The following FDXACB1 variants were observed in gnomAD, a reference collection of about 807,000 sequenced individuals.
FDXACB1 encodes ferredoxin-fold anticodon-binding domain-containing protein 1.
FDXACB1 carries 41 observed loss-of-function variants against 51.7 expected under a neutral mutation model. That is an observed-to-expected ratio of 0.79 (90% CI 0.62 to 1.03). FDXACB1 has a LOEUF of 1.03. Among genes scored for constraint, FDXACB1 ranks in the 50% least tolerant of loss-of-function variants. FDXACB1 has a pLI of 0.00. For missense variants in FDXACB1, 697 were observed against 746.4 expected (o/e 0.93, Z 0.77); for synonymous variants, 273 against 278.6 (o/e 0.98, Z 0.20).
At position 111,879,140 on chromosome 11, in the gene FDXACB1, A is replaced by C. The variant is rs781818800; in HGVS notation, c.-8T>G. The stretch of plus-strand genomic sequence containing the variant: ...GAGGCGCCGAGGGGCCATGGCCTCC[A>C]CGGACTCCCGGCTCGCGTTCTCTGT... On this transcript the variant is annotated 5_prime_UTR_variant, in exon 1 of 5. Transcript: ENST00000260257. 7.5e-6 allele frequency: 12 copies of C among 1,600,876 alleles called. No individual in the cohort carries two copies. The highest frequency in any genetic ancestry group is 1.0e-5 in the Non-Finnish European group (12 of 1,173,846).
At position 111,876,642 on chromosome 11, in the gene FDXACB1, G is replaced by A. The variant is rs782121939; in HGVS notation, c.534-3C>T. ...CATGAAAGGACTTATCTTGACTCCT[G>A]GCAAAATAGACACCAATATGAAGTC... On this transcript the variant is annotated splice_region_variant and splice_polypyrimidine_tract_variant and intron_variant, in intron 3 of 4. Transcript: ENST00000260257. 1.2e-6 allele frequency: 2 copies of A among 1,609,802 alleles called. No homozygotes were observed. Among genetic ancestry groups the A allele is most frequent in the African/African-American group, 2.7e-5 (2 of 74,648 alleles).
rs1964767384 is a variant in FDXACB1 at position 111,874,633 on chromosome 11, T to C, written c.*289A>G. The stretch of plus-strand genomic sequence containing the variant: ...AGCCAGGCGTGGTGGCAGGTGCCTG[T>C]AGTCCCAGCTACTCGGGAGGCTGAG... On this transcript the variant is annotated 3_prime_UTR_variant, in exon 5 of 5. Coordinates refer to ENST00000260257, the MANE Select transcript of FDXACB1 (RefSeq NM_138378.3). 1 of 279,522 alleles carries C rather than the reference T, an allele frequency of 3.6e-6. No homozygotes were observed. The highest frequency in any genetic ancestry group is 6.7e-6 in the Non-Finnish European group (1 of 149,514). The allele number at this position is 279,522 out of a possible 1,614,324, so 17.3% of individuals were successfully genotyped here. A position where few individuals can be genotyped will look rare whatever the true frequency, so the allele number is the denominator to read the frequency against.
chr11:111,875,246 A>G lies in FDXACB1; in HGVS notation c.1551T>C (p.Asn517=), dbSNP rs781798204. 4.3e-6 allele frequency: 7 copies of G among 1,613,832 alleles called. No homozygotes were observed. The South Asian group carries it at 7.7e-5, about 18-fold the overall frequency. The part of the protein sequence containing the change: ...LWTFDNRFLK[N]FVPGKIEPFK... Reference sequence around the variant, plus strand: ...AGGGTTCTATTTTGCCAGGGACAAAATTTTTCAGGAAACGGTTATCAAACG... The same window carrying G: ...AGGGTTCTATTTTGCCAGGGACAAAGTTTTTCAGGAAACGGTTATCAAACG... The change falls in exon 5 of 5, where the codon AAT becomes AAC. Residue 517 remains asparagine (N), a synonymous_variant. Coordinates refer to ENST00000260257, the MANE Select transcript of FDXACB1 (RefSeq NM_138378.3).
At position 111,874,779 on chromosome 11, in the gene FDXACB1, A is replaced by T; in HGVS notation, c.*143T>A. 10 of 700,914 alleles carry T rather than the reference A, an allele frequency of 1.4e-5. No individual in the cohort carries two copies. The highest frequency in any genetic ancestry group is 2.8e-5 in the East Asian group (1 of 35,650). 43.4% of individuals were successfully genotyped at this position (700,914 alleles called of 1,614,324 possible). ...CCGTCTCAAAAAAAAAAAAAAAAAAAGATCAACGAACAGTAGCTATGGTCA... is the reference window on the plus strand; with the variant it reads ...CCGTCTCAAAAAAAAAAAAAAAAAATGATCAACGAACAGTAGCTATGGTCA... On this transcript the variant is annotated 3_prime_UTR_variant, in exon 5 of 5. Coordinates refer to ENST00000260257, the MANE Select transcript of FDXACB1 (RefSeq NM_138378.3).
At chr11:111,876,412 A>C in intron 4 of FDXACB1, 69 bp downstream of exon 4, 1 of 1,531,022 alleles carries the variant, frequency 6.5e-7, no homozygotes, top group Non-Finnish European at 8.9e-7. Context: ...CATTCAATAT[A>C]TGGTTGCCAT....
Position 111,878,218 on chromosome 11 carries a change from A to T in FDXACB1, c.329+338T>A, listed in dbSNP as rs905962648. Among the ~76,000 whole-genome samples, 8 of 152,112 alleles carry T rather than the reference A, an allele frequency of 5.3e-5. No homozygotes were observed. The East Asian group carries it at 5.8e-4, about 11-fold the overall frequency. On this transcript the variant is annotated intron_variant, in intron 2 of 4. Coordinates refer to ENST00000260257, the MANE Select transcript of FDXACB1 (RefSeq NM_138378.3). ...AAAAATAAAAATAAATAAAAATAAA[A>T]AAATAACAACTGTTAAGTGGTGGGC...
chr11:111,877,831 T>C (rs1964851180), intron 2 of FDXACB1, among the ~76,000 whole-genome samples: 1 of 151,198 alleles, frequency 6.6e-6, no homozygotes, highest in Non-Finnish European at 1.5e-5. Flanking sequence ...TAGTTACTAT[T>C]AATATCCCTA....
At chr11:111,877,097 T>A in intron 2 of FDXACB1, 86 bp from the exon 3 acceptor site, 1 of 1,322,848 alleles carries the variant, frequency 7.6e-7, no homozygotes, top group Non-Finnish European at 1.0e-6. Flanking sequence ...ATGGTTTGCC[T>A]GTGAAATAAT....
At chr11:111,876,677 T>C in intron 3 of FDXACB1, 38 bp from the exon 4 acceptor site, 1 of 1,599,672 alleles carries the variant, frequency 6.3e-7, no homozygotes, top group South Asian at 1.1e-5. Context: ...CTGTCATTAT[T>C]AAAATAAGCA....
rs782353556 is a variant in FDXACB1 at position 111,875,652 on chromosome 11, A to G, written c.1145T>C (p.Ile382Thr). 5.0e-6 allele frequency: 8 copies of G among 1,613,384 alleles called. No individual in the cohort carries two copies. Among genetic ancestry groups the G allele is most frequent in the Non-Finnish European group, 5.9e-6 (7 of 1,179,868 alleles). The change falls in exon 5 of 5, where the codon ATT (isoleucine) becomes ACT (threonine). Residue 382 changes from isoleucine (I) to threonine (T), a missense_variant. Physicochemically the swap from Ile to Thr is moderately conservative, Grantham distance 89. Coordinates refer to ENST00000260257, the MANE Select transcript of FDXACB1 (RefSeq NM_138378.3). ...AAATGCTGGCATTGTGAAAGGCAAAATGTGGCACTTCTGAAAGACAGGTCC... is the reference window on the plus strand; with the variant it reads ...AAATGCTGGCATTGTGAAAGGCAAAGTGTGGCACTTCTGAAAGACAGGTCC... Reference protein sequence around the residue: ...LSGPVFQKCHILPFTMPAFHE... With the variant: ...LSGPVFQKCHTLPFTMPAFHE...
Position 111,878,587 on chromosome 11 carries a change from T to C in FDXACB1, c.298A>G (p.Asn100Asp), listed in dbSNP as rs377284681. The change falls in exon 2 of 5, where the codon AAC (asparagine) becomes GAC (aspartate). Residue 100 changes from asparagine (N) to aspartate (D), a missense_variant. Coordinates refer to ENST00000260257, the MANE Select transcript of FDXACB1 (RefSeq NM_138378.3). ...AAAAATTTGGCAAGCAGTTCCCTGT[T>C]CTTAGCTACGCCAGCTTTGCGTCCA... The part of the protein sequence containing the change: ...HCGRKAGVAK[N>D]RELLAKFFQS... 6.2e-7 allele frequency: 1 copy of C among 1,600,768 alleles called. No homozygotes were observed. Among genetic ancestry groups the C allele is most frequent in the Non-Finnish European group, 8.5e-7 (1 of 1,173,390 alleles).
Position 111,876,648 on chromosome 11 carries a change from A to G in FDXACB1, c.534-9T>C, listed in dbSNP as rs781830391. On this transcript the variant is annotated splice_polypyrimidine_tract_variant and intron_variant, in intron 3 of 4. Coordinates refer to ENST00000260257, the MANE Select transcript of FDXACB1 (RefSeq NM_138378.3). Reference sequence around the variant, plus strand: ...AGGACTTATCTTGACTCCTGGCAAAATAGACACCAATATGAAGTCTGTCAT... The same window carrying G: ...AGGACTTATCTTGACTCCTGGCAAAGTAGACACCAATATGAAGTCTGTCAT... 9 of 1,609,388 alleles carry G rather than the reference A, an allele frequency of 5.6e-6. No homozygotes were observed. The South Asian group carries it at 1.0e-4, about 18-fold the overall frequency.
rs1555162528 is a variant in FDXACB1, at chr11:111,878,524, C to G, written c.329+32G>C. 3 of 1,546,038 alleles carry G rather than the reference C, an allele frequency of 1.9e-6. No homozygotes were observed. In the African/African-American group the frequency reaches 4.1e-5, roughly 21 times the overall value. On this transcript the variant is annotated intron_variant, in intron 2 of 4. Coordinates refer to ENST00000260257, the MANE Select transcript of FDXACB1 (RefSeq NM_138378.3). ...GTAACTATGTTATGGACATCTTAAACATTTTCCTTGTGAGGGCGCTCCTTT... is the reference window on the plus strand; with the variant it reads ...GTAACTATGTTATGGACATCTTAAAGATTTTCCTTGTGAGGGCGCTCCTTT...
At chr11:111,878,770 A>G (rs1964878854) in intron 1 of FDXACB1, 58 bp from the exon 2 acceptor site, 1 of 1,558,846 alleles carries the variant, frequency 6.4e-7, no homozygotes, top group Admixed American at 2.0e-5. Context: ...CAAGACATGG[A>G]ACAGAAAAAC....
In FDXACB1 at chr11:111,878,969, C is replaced by G. The variant is rs782081440; in HGVS notation, c.164G>C (p.Arg55Pro). ...AGGGGCGGGCTCGCTACCTCGCTCG[C>G]GCAGGCACTGCAGATTCTCCCAGGC... The part of the protein sequence containing the change: ...PLAWENLQCL[R>P]ERGIDVRFGV... The change falls in exon 1 of 5, where the codon CGC becomes CCC. Residue 55 changes from arginine (R) to proline (P), a missense_variant. By Grantham distance (103) the Arg-to-Pro change is moderately radical (BLOSUM62 -2). Around this residue, in one of 3 missense-constraint regions of FDXACB1, gnomAD observed 153 missense variants for 133.5 expected, o/e 1.15. Transcript: ENST00000260257. 6.3e-7 allele frequency: 1 copy of G among 1,596,486 alleles called. No individual in the cohort carries two copies. The highest frequency in any genetic ancestry group is 8.5e-7 in the Non-Finnish European group (1 of 1,173,502).
At position 111,879,120 on chromosome 11, in the gene FDXACB1, G is replaced by C; in HGVS notation, c.13C>G (p.Arg5Gly). Residue 5 changes from arginine to glycine, a missense_variant, in exon 1 of 5, where the codon CGC (arginine) becomes GGC (glycine). By Grantham distance (125) the Arg-to-Gly change is moderately radical. Coordinates refer to ENST00000260257, the MANE Select transcript of FDXACB1 (RefSeq NM_138378.3). MAPR[R>G]LLLVGEGNFS... ...TTCCCCTCCCCAACCAACAGGAGGC[G>C]CCGAGGGGCCATGGCCTCCACGGAC... is the stretch of plus-strand genomic sequence containing the variant. 6.2e-7 allele frequency: 1 copy of C among 1,612,076 alleles called. No homozygotes were observed. Among genetic ancestry groups the C allele is most frequent in the Middle Eastern group, 1.7e-4 (1 of 6,054 alleles).
At chr11:111,876,752 TATC>T (rs1964824481) in intron 3 of FDXACB1, 53 bp downstream of exon 3, 2 of 1,595,772 alleles carry the variant, frequency 1.3e-6, no homozygotes, top group East Asian at 2.2e-5. Flanking sequence ...GAGATTTTGT[TATC>T]ATTAGTGAGA....
chr11:111,877,087 A>G, intron 2 of FDXACB1, 76 bp from the exon 3 acceptor site: 1 of 1,380,322 alleles, frequency 7.2e-7, no homozygotes, highest in South Asian at 1.4e-5. Flanking sequence ...CAACATACAC[A>G]TGGTTTGCCT....
At position 111,875,807 on chromosome 11, in the gene FDXACB1, A is replaced by G; in HGVS notation, c.990T>C (p.Asp330=). 1.2e-6 allele frequency: 2 copies of G among 1,613,688 alleles called. No homozygotes were observed. The highest frequency in any genetic ancestry group is 2.2e-5 in the East Asian group (1 of 44,870). The change falls in exon 5 of 5, where the codon GAT becomes GAC. Residue 330 remains aspartate, a synonymous_variant. Transcript: ENST00000260257. ...TTCCTTCACAAGCTTCTTCTTTACC[A>G]TCTCTTCCAGGATTCTTGAGAAGGC... The part of the protein sequence containing the change: ...ELSLLKNPGR[D]GKEEACEGTC...
Sources: allele counts gnomAD v4.1 joint callset (sites outside exome capture counted in the v4.1 genomes callset), GRCh38; gene constraint gnomAD v4.1.1; regional missense constraint gnomAD v4.1.1; transcripts MANE v1.5; gene names NCBI Gene and HGNC (gene_info 2026-07-23, HGNC 2026-07-21).